CNRIP1: variants seen among roughly 807,000 people sequenced by gnomAD.
The protein encoded by CNRIP1 is cannabinoid receptor interacting protein 1.
In CNRIP1, 10 loss-of-function variants were observed where a neutral mutation model predicts 15.2. The observed-to-expected ratio is 0.66, with a 90% confidence interval of 0.41 to 1.12. The LOEUF (loss-of-function observed/expected upper bound fraction) is 1.12, where lower values mean the gene tolerates loss of function less well. Among genes scored for constraint, CNRIP1 ranks in the 50% most tolerant of loss-of-function variants. CNRIP1 has a pLI of 0.00. For missense variants in CNRIP1, 211 were observed against 214.7 expected, an observed-to-expected ratio of 0.98 and a Z score of 0.11; for synonymous variants, 91 against 83.2, an observed-to-expected ratio of 1.09 and a Z score of -0.51.
At chr2:68,290,524 T>C (rs1455999169), downstream of CNRIP1, among the ~76,000 whole-genome samples, 2 of 152,194 alleles carry the variant, frequency 1.3e-5, no homozygotes, top group Admixed American at 6.5e-5. Context: ...TGATTTACTT[T>C]GTCTGCTTTT....
At chr2:68,305,177 G>C (rs1358765638) in intron 2 of CNRIP1, among the ~76,000 whole-genome samples, 5 of 150,332 alleles carry the variant, frequency 3.3e-5, no homozygotes, top group African/African-American at 1.2e-4. Flanking sequence ...CCGGGAGGCA[G>C]AGGTTGCGGT....
intron 2 of CNRIP1, among the ~76,000 whole-genome samples, chr2:68,306,126 A>AAAAAAAAAAAAAAAAAAAAAAAAC (rs1671836603): frequency 8.0e-6 from 1 of 124,406 alleles, no homozygotes; most frequent in African/African-American, 3.5e-5. Flanking sequence ...CACCTCTACA[A>AAAAAAAAAAAAAAAAAAAAAAAAC]AAAAAAAAAA....
chr2:68,300,611 T>C (rs963423818), intron 2 of CNRIP1, among the ~76,000 whole-genome samples: 2 of 150,960 alleles, frequency 1.3e-5, no homozygotes, highest in African/African-American at 4.9e-5. Flanking sequence ...AGCAAGACTC[T>C]GCCTCAAAAA....
chr2:68,306,278 G>A (rs1448087661), intron 2 of CNRIP1, among the ~76,000 whole-genome samples: 1 of 149,994 alleles, frequency 6.7e-6, no homozygotes, highest in Non-Finnish European at 1.5e-5. Flanking sequence ...CTCCAGCCTG[G>A]GTAACAGTGA....
At position 68,304,501 on chromosome 2, in the gene CNRIP1, T is replaced by C. The variant is rs142346132; in HGVS notation, c.331-10475A>G. 3.3e-5 allele frequency among the ~76,000 whole-genome samples: 5 copies of C among 152,240 alleles called. No individual in the cohort carries two copies. In the East Asian group the frequency reaches 9.7e-4, roughly 29 times the overall value. On this transcript the variant is annotated intron_variant, in intron 2 of 2. Coordinates refer to ENST00000263655, the MANE Select transcript of CNRIP1 (RefSeq NM_015463.3). ...GCGGTCCCTAACTGTAACTCGTGAA[T>C]CCAGCAGTAAAGGCTAGGTTTCTAT...
chr2:68,288,431 G>A (rs978608826), downstream of CNRIP1, among the ~76,000 whole-genome samples: 2 of 152,148 alleles, frequency 1.3e-5, no homozygotes, highest in African/African-American at 4.8e-5. Context: ...ATCTGCAGGA[G>A]AATAAGAAAT....
chr2:68,310,594 C>T (rs563671876), intron 2 of CNRIP1, among the ~76,000 whole-genome samples: 1 of 151,926 alleles, frequency 6.6e-6, no homozygotes, highest in South Asian at 2.1e-4. Context: ...ATACAAAAAA[C>T]CAGTAATACC....
Position 68,317,221 on chromosome 2 carries a change from T to C in CNRIP1, c.266A>G (p.Tyr89Cys). ...CGTTGGGGTCACACCTTCTGTGTCA[T>C]ATGTACCCGTATAAACAACTCTGTC... ...DGDRVVYTGT[Y>C]DTEGVTPTKS... is the part of the protein sequence containing the mutation. Residue 89 changes from tyrosine (Y) to cysteine (C), a missense_variant, in exon 2 of 3, where the codon TAT becomes TGT. Physicochemically the swap from Tyr to Cys is radical, Grantham distance 194. Coordinates refer to ENST00000263655, the MANE Select transcript of CNRIP1 (RefSeq NM_015463.3). 6.2e-7 allele frequency: 1 copy of C among 1,614,234 alleles called. No individual in the cohort carries two copies. Among genetic ancestry groups the C allele is most frequent in the Non-Finnish European group, 8.5e-7 (1 of 1,180,038 alleles).
downstream of CNRIP1, among the ~76,000 whole-genome samples, chr2:68,291,212 A>G (rs1289866695): frequency 2.0e-5 from 3 of 151,752 alleles, no homozygotes; most frequent in African/African-American, 4.8e-5. Context: ...CTCCTCCCCA[A>G]CTCCCTTGAT....
intron 2 of CNRIP1, among the ~76,000 whole-genome samples, chr2:68,299,433 G>C (rs1034996242): frequency 2.6e-5 from 4 of 152,092 alleles, no homozygotes; most frequent in African/African-American, 9.7e-5. Context: ...ACATGAATGG[G>C]TTCAGTGCCC....
intron 2 of CNRIP1, among the ~76,000 whole-genome samples, chr2:68,299,181 T>C (rs1035027231): frequency 6.6e-6 from 1 of 152,152 alleles, no homozygotes; most frequent in Non-Finnish European, 1.5e-5. Context: ...ATTCCTAGCT[T>C]AGGAGCTATT....
chr2:68,319,460 C>G lies in CNRIP1; in HGVS notation c.-60G>C, dbSNP rs1558671612. 1 of 1,432,308 alleles carries G rather than the reference C, an allele frequency of 7.0e-7. No individual in the cohort carries two copies. Among genetic ancestry groups the G allele is most frequent in the South Asian group, 1.4e-5 (1 of 70,400 alleles). The allele number at this position is 1,432,308 out of a possible 1,614,324, so 88.7% of individuals were successfully genotyped here. ...GGCGGAGGACAGCGCCGGCTGCGGC[C>G]GAGTGGCTGGAGCGCGAGGGGCGGA... On this transcript the variant is annotated 5_prime_UTR_variant, in exon 1 of 3. Coordinates refer to ENST00000263655, the MANE Select transcript of CNRIP1 (RefSeq NM_015463.3).
At chr2:68,308,749 A>T (rs533604240) in intron 2 of CNRIP1, among the ~76,000 whole-genome samples, 46 of 152,286 alleles carry the variant, frequency 3.0e-4, no homozygotes, top group African/African-American at 1.1e-3. Context: ...TGCAAAAATT[A>T]AAAAAACACA....
intron 2 of CNRIP1, among the ~76,000 whole-genome samples, chr2:68,310,447 C>T (rs1004613754): frequency 1.3e-5 from 2 of 152,148 alleles, no homozygotes; most frequent in Admixed American, 1.3e-4. Flanking sequence ...CTGCTAAGCT[C>T]CATGGGCACA....
chr2:68,318,574 C>A (rs573058388), intron 1 of CNRIP1, among the ~76,000 whole-genome samples: 3 of 152,326 alleles, frequency 2.0e-5, no homozygotes, highest in East Asian at 3.9e-4. Flanking sequence ...CATCACCAGC[C>A]TGAACAGAAA....
At chr2:68,287,817 C>A (rs937645977) in intron 2 of CNRIP1, among the ~76,000 whole-genome samples, 1 of 152,186 alleles carries the variant, frequency 6.6e-6, no homozygotes, top group African/African-American at 2.4e-5. Context: ...TGGTAAGCAG[C>A]ACAAGTAATT....
chr2:68,287,694 T>C (rs1671063620), intron 2 of CNRIP1, among the ~76,000 whole-genome samples: 1 of 152,238 alleles, frequency 6.6e-6, no homozygotes. Flanking sequence ...TGAAATGACA[T>C]GTGTCACTTC....
At position 68,309,604 on chromosome 2, in the gene CNRIP1, T is replaced by A. The variant is rs550382308; in HGVS notation, c.330+7553A>T. The stretch of plus-strand genomic sequence containing the variant: ...TCTAAGCACTGGCACTAGAGTGCTT[T>A]TAAGGTGCCTATCTTATCACATTAC... On this transcript the variant is annotated intron_variant, in intron 2 of 2. Transcript: ENST00000263655. Among the ~76,000 whole-genome samples, 8 of 152,308 alleles carry A rather than the reference T, an allele frequency of 5.3e-5. No homozygotes were observed. In the East Asian group the frequency reaches 1.5e-3, roughly 29 times the overall value.
chr2:68,294,743 T>C (rs896942341), intron 2 of CNRIP1, among the ~76,000 whole-genome samples: 3 of 152,250 alleles, frequency 2.0e-5, no homozygotes, highest in African/African-American at 4.8e-5. Context: ...TGAATACTTA[T>C]AAGTCAGGAG....
Sources: gnomAD v4.1 joint callset for allele counts (sites outside exome capture counted in the v4.1 genomes callset) on GRCh38, gnomAD v4.1.1 for gene constraint, MANE v1.5 for transcripts, NCBI Gene and HGNC (gene_info 2026-07-23, HGNC 2026-07-21) for gene names.